MAP3K21: variants seen among roughly 807,000 people sequenced by gnomAD.
MAP3K21 encodes the protein mitogen-activated protein kinase kinase kinase 21.
Under a neutral mutation model 86.1 loss-of-function variants are expected in MAP3K21, and 63 were observed. The ratio of observed to expected loss-of-function variants is 0.73; its 90% CI spans 0.60 to 0.90. The LOEUF (loss-of-function observed/expected upper bound fraction) is 0.90. MAP3K21 is among the 40% of genes least tolerant of loss of function. The probability of loss-of-function intolerance (pLI) is 0.00; values close to 1 mark genes in which losing one functional copy is unlikely to be tolerated. For missense variants in MAP3K21, 1,220 were observed against 1,367.7 expected (o/e 0.89, Z 1.70); for synonymous variants, 558 against 564.8 (o/e 0.99, Z 0.17).
chr1:233,366,630 C>T (rs1027684557), intron 5 of MAP3K21, among the ~76,000 whole-genome samples: 1 of 152,172 alleles, frequency 6.6e-6, no homozygotes, highest in African/African-American at 2.4e-5. Context: ...GGATTTTTCC[C>T]TATGCATAAT....
chr1:233,359,216 C>T (rs1663423699), intron 4 of MAP3K21, among the ~76,000 whole-genome samples: 1 of 152,152 alleles, frequency 6.6e-6, no homozygotes, highest in South Asian at 2.1e-4. Flanking sequence ...TAAAAGCATG[C>T]TTCAAGGGTG....
chr1:233,360,318 C>T (rs1157673040), intron 4 of MAP3K21, among the ~76,000 whole-genome samples: 1 of 151,912 alleles, frequency 6.6e-6, no homozygotes, highest in Non-Finnish European at 1.5e-5. Flanking sequence ...GTAACATTTT[C>T]CCCTTTTTTT....
chr1:233,351,378 G>C (rs1663249839), intron 2 of MAP3K21, among the ~76,000 whole-genome samples: 1 of 152,052 alleles, frequency 6.6e-6, no homozygotes, highest in African/African-American at 2.4e-5. Flanking sequence ...TTTGATAGAA[G>C]AGTTCACTGA....
intron 2 of MAP3K21, among the ~76,000 whole-genome samples, chr1:233,348,585 C>T (rs987815519): frequency 1.5e-4 from 23 of 152,092 alleles, no homozygotes; most frequent in Non-Finnish European, 1.8e-4. Flanking sequence ...TCCAAAGTGG[C>T]TGCACCTTCT....
intron 4 of MAP3K21, among the ~76,000 whole-genome samples, chr1:233,357,583 A>G (rs529705656): frequency 3.9e-5 from 6 of 152,294 alleles, no homozygotes; most frequent in East Asian, 1.9e-4. Flanking sequence ...AGAGGCACCA[A>G]TCCCACCTGC....
intron 5 of MAP3K21, among the ~76,000 whole-genome samples, chr1:233,371,749 T>TTG (rs71574858): frequency 0.021 from 3,104 of 147,702 alleles, 50 homozygotes; most frequent in African/African-American, 0.039. Flanking sequence ...ATATTTTCCT[T>TTG]TGTGTGTGTG....
At chr1:233,380,889 G>A (rs954786549) in intron 9 of MAP3K21, among the ~76,000 whole-genome samples, 5 of 152,082 alleles carry the variant, frequency 3.3e-5, no homozygotes, top group African/African-American at 7.2e-5. Flanking sequence ...TCCTCACTGC[G>A]GTATTTTTTC....
intron 3 of MAP3K21, 78 bp downstream of exon 3, chr1:233,354,033 A>G: frequency 7.4e-7 from 1 of 1,343,052 alleles, no homozygotes; most frequent in Non-Finnish European, 9.7e-7. Context: ...AAACAGAAAA[A>G]GCATTTTCTG....
At chr1:233,330,677 C>A (rs1662794055) in intron 1 of MAP3K21, among the ~76,000 whole-genome samples, 1 of 152,176 alleles carries the variant, frequency 6.6e-6, no homozygotes, top group African/African-American at 2.4e-5. Flanking sequence ...GCAAATGTAT[C>A]CAAATCATCA....
rs201665426 is a variant in MAP3K21 at position 233,354,826 on chromosome 1, T to C, written c.1136-10T>C. The C allele has an allele frequency of 1.9e-5, 29 of 1,523,176 alleles. No homozygotes were observed. Among genetic ancestry groups the C allele is most frequent in the Non-Finnish European group, 2.6e-5 (29 of 1,123,804 alleles). 94.4% of individuals were successfully genotyped at this position (1,523,176 alleles called of 1,614,324 possible). A position where few individuals can be genotyped will look rare whatever the true frequency, so the allele number is the denominator to read the frequency against. ...AGAGATGGTATTAATGTGATTTTTG[T>C]TTATTTTAGAATGCTGGCAACAAGA... is the stretch of plus-strand genomic sequence containing the variant. On this transcript the variant is annotated splice_polypyrimidine_tract_variant and intron_variant, in intron 3 of 9. Transcript: ENST00000366624.
intron 1 of MAP3K21, among the ~76,000 whole-genome samples, chr1:233,337,810 G>C (rs1194580929): frequency 6.6e-6 from 1 of 152,190 alleles, no homozygotes; most frequent in African/African-American, 2.4e-5. Context: ...TTCATTACTA[G>C]TTTGTGCATT....
chr1:233,345,394 A>G (rs569293321), intron 1 of MAP3K21, among the ~76,000 whole-genome samples: 2 of 152,306 alleles, frequency 1.3e-5, no homozygotes, highest in South Asian at 4.1e-4. Flanking sequence ...ATGGAATACT[A>G]TGCAGCCGTA....
intron 2 of MAP3K21, 146 bp from the exon 3 acceptor site, chr1:233,353,661 T>G: frequency 1.6e-6 from 1 of 621,026 alleles, no homozygotes; most frequent in Non-Finnish European, 2.5e-6. Context: ...CCTCCCACCT[T>G]GGGATGTCAG....
chr1:233,358,801 A>C (rs1197880170), intron 4 of MAP3K21, among the ~76,000 whole-genome samples: 2 of 151,882 alleles, frequency 1.3e-5, no homozygotes, highest in African/African-American at 4.8e-5. Flanking sequence ...TCTCAAAAAA[A>C]AAAATTATTA....
In MAP3K21 at chr1:233,382,502, C is replaced by T. The variant is rs764698216; in HGVS notation, c.2902C>T (p.Leu968=). 1 of 1,614,168 alleles carries T rather than the reference C, an allele frequency of 6.2e-7. No individual in the cohort carries two copies. The highest frequency in any genetic ancestry group is 8.5e-7 in the Non-Finnish European group (1 of 1,180,034). The stretch of plus-strand genomic sequence containing the variant: ...TTACCCACAGACAGCAGTGTCTCAG[C>T]TGGCACAGACTGCCTGTGTAGTGGG... ...QAYPQTAVSQ[L]AQTACVVGRP... is the part of the protein sequence containing the mutation. The change falls in exon 10 of 10, where the codon CTG becomes TTG. Residue 968 remains leucine, a synonymous_variant. Transcript: ENST00000366624.
In MAP3K21 at chr1:233,327,848, C is replaced by T. The variant is rs898444449; in HGVS notation, c.-181C>T. The T allele has an allele frequency of 9.4e-6, 4 of 424,146 alleles. No individual in the cohort carries two copies. The highest frequency in any genetic ancestry group is 9.3e-5 in the Admixed American group (2 of 21,460). 26.3% of individuals were successfully genotyped at this position (424,146 alleles called of 1,614,324 possible). A position where few individuals can be genotyped will look rare whatever the true frequency, so the allele number is the denominator to read the frequency against. On this transcript the variant is annotated 5_prime_UTR_variant, in exon 1 of 10. The change creates a new upstream start codon in the 5' untranslated region. Transcript: ENST00000366624. ...GGCAGCAGAGGCGGCTGGCCAGGAACGCGGGCCGAGGCTGGACCCTTTGGG... is the reference window on the plus strand; with the variant it reads ...GGCAGCAGAGGCGGCTGGCCAGGAATGCGGGCCGAGGCTGGACCCTTTGGG...
rs866229902 is a variant in MAP3K21, at chr1:233,328,782, C to A, written c.754C>A (p.His252Asn). 6.5e-7 allele frequency: 1 copy of A among 1,547,380 alleles called. No individual in the cohort carries two copies. The highest frequency in any genetic ancestry group is 8.7e-7 in the Non-Finnish European group (1 of 1,146,486). The change falls in exon 1 of 10, where the codon CAT (histidine) becomes AAT (asparagine). Residue 252 changes from histidine to asparagine, a missense_variant. This residue lies in a region of MAP3K21 where 89 missense variants were observed against 144.8 expected (regional missense o/e 0.61). Coordinates refer to ENST00000366624, the MANE Select transcript of MAP3K21 (RefSeq NM_032435.3). This position sits in a 1 kb window ranked among gnomAD's most constrained non-coding sequence, Gnocchi z 8.7. ...GATAGCGCGGGGCATGCTCTACCTG[C>A]ATGAGGAGGCCTTCGTGCCCATCCT... is the stretch of plus-strand genomic sequence containing the variant. ...VQIARGMLYLHEEAFVPILHR... is the reference protein window; with the variant it reads ...VQIARGMLYLNEEAFVPILHR...
intron 6 of MAP3K21, 200 bp downstream of exon 6, chr1:233,372,360 T>C: frequency 1.8e-6 from 1 of 564,904 alleles, no homozygotes; most frequent in Non-Finnish European, 2.9e-6. Flanking sequence ...AAAAAATGAA[T>C]TTTAGATGCT....
Position 233,379,116 on chromosome 1 carries a change from A to G in MAP3K21, c.2110A>G (p.Met704Val), listed in dbSNP as rs985078087. 3 of 1,613,978 alleles carry G rather than the reference A, an allele frequency of 1.9e-6. No individual in the cohort carries two copies. Among genetic ancestry groups the G allele is most frequent in the Non-Finnish European group, 2.5e-6 (3 of 1,179,950 alleles). ...GAATGCTGCCACAGTCTCCATTGAG[A>G]TGACTCCTACGAATAGTCTGAGTAG... ...SANAATVSIE[M>V]TPTNSLSRSP... The change falls in exon 9 of 10, where the codon ATG (methionine) becomes GTG (valine). Residue 704 changes from methionine to valine, a missense_variant. Around this residue, in one of 5 missense-constraint regions of MAP3K21, gnomAD observed 632 missense variants for 691.3 expected, o/e 0.91. Coordinates refer to ENST00000366624, the MANE Select transcript of MAP3K21 (RefSeq NM_032435.3).
Sources: allele counts gnomAD v4.1 joint callset (sites outside exome capture counted in the v4.1 genomes callset), GRCh38; gene constraint gnomAD v4.1.1; regional missense constraint gnomAD v4.1.1; non-coding constraint Gnocchi (gnomAD v3.1); transcripts MANE v1.5; gene names NCBI Gene and HGNC (gene_info 2026-07-23, HGNC 2026-07-21).